The following MESD variants were observed in gnomAD, a reference collection of about 807,000 sequenced individuals.
The protein encoded by MESD is LRP chaperone MESD.
Under a neutral mutation model 12.9 loss-of-function variants are expected in MESD, and 7 were observed. The observed-to-expected ratio is 0.54, with a 90% confidence interval of 0.31 to 1.02. The LOEUF (loss-of-function observed/expected upper bound fraction) is 1.02. MESD is among the 50% of genes least tolerant of loss of function. The pLI is 0.05. For missense variants in MESD, 342 were observed against 296.7 expected, an observed-to-expected ratio of 1.15 and a Z score of -1.12; for synonymous variants, 126 against 115.6, an observed-to-expected ratio of 1.09 and a Z score of -0.58.
chr15:80,967,090 G>A (rs1223269215), intron 3 of MESD, among the ~76,000 whole-genome samples: 1 of 152,094 alleles, frequency 6.6e-6, no homozygotes, highest in Non-Finnish European at 1.5e-5. Flanking sequence ...TCAGGAGTTC[G>A]AGACCAGCCT....
chr15:80,970,201 C>T (rs1025499102), intron 3 of MESD, among the ~76,000 whole-genome samples: 1 of 152,168 alleles, frequency 6.6e-6, no homozygotes, highest in Non-Finnish European at 1.5e-5. Context: ...GTGGGGAAGC[C>T]GTGAGGCACA....
intron 3 of MESD, among the ~76,000 whole-genome samples, chr15:80,961,892 A>C (rs1396914091): frequency 6.6e-6 from 1 of 152,264 alleles, no homozygotes; most frequent in Non-Finnish European, 1.5e-5. Flanking sequence ...AAACATGCCA[A>C]ATTGTAAAGA....
intron 1 of MESD, among the ~76,000 whole-genome samples, chr15:80,985,480 A>G (rs1902704396): frequency 6.6e-6 from 1 of 152,150 alleles, no homozygotes; most frequent in South Asian, 2.1e-4. Flanking sequence ...TGCCAAATTC[A>G]CAAGTTGTTT....
At chr15:80,988,067 G>A (rs1364413689) in intron 1 of MESD, among the ~76,000 whole-genome samples, 23 of 152,156 alleles carry the variant, frequency 1.5e-4, no homozygotes, top group Admixed American at 1.0e-3. Flanking sequence ...CTTAATCCAC[G>A]TCTTCCTCAC....
At chr15:80,949,246 C>T in intron 4 of MESD, 1 of 407,798 alleles carries the variant, frequency 2.5e-6, no homozygotes. Flanking sequence ...CTGGGTTGTG[C>T]TGACAGCAAA....
At chr15:80,959,858 G>T (rs1420291571) in intron 3 of MESD, among the ~76,000 whole-genome samples, 1 of 150,866 alleles carries the variant, frequency 6.6e-6, no homozygotes, top group Non-Finnish European at 1.5e-5. Context: ...AACTCAACTG[G>T]AAGCAGGGGG....
chr15:80,982,815 C>T (rs1902616352), intron 1 of MESD, among the ~76,000 whole-genome samples: 1 of 152,152 alleles, frequency 6.6e-6, no homozygotes, highest in African/African-American at 2.4e-5. Context: ...GGCACTGTGG[C>T]TTACCTTGTA....
chr15:80,962,116 C>A (rs72629904), intron 3 of MESD, among the ~76,000 whole-genome samples: 1 of 152,138 alleles, frequency 6.6e-6, no homozygotes, highest in Admixed American at 6.5e-5. Context: ...CAGAGATGCA[C>A]ATAAGCTCAA....
At chr15:80,959,809 G>C (rs1902054233) in intron 3 of MESD, among the ~76,000 whole-genome samples, 1 of 152,088 alleles carries the variant, frequency 6.6e-6, no homozygotes, top group Non-Finnish European at 1.5e-5. Flanking sequence ...TCCTGGAAGT[G>C]CTCAAAAAGA....
chr15:80,989,360 G>T (rs984308926), intron 1 of MESD, among the ~76,000 whole-genome samples: 13 of 152,320 alleles, frequency 8.5e-5, no homozygotes, highest in African/African-American at 2.6e-4. Context: ...GAGGAACAGG[G>T]CACTGGAATG....
intron 3 of MESD, among the ~76,000 whole-genome samples, chr15:80,967,330 G>A (rs1363944601): frequency 6.6e-6 from 1 of 152,044 alleles, no homozygotes; most frequent in Non-Finnish European, 1.5e-5. Context: ...AAAGAAGTAG[G>A]AGCCCTCAGG....
intron 3 of MESD, among the ~76,000 whole-genome samples, chr15:80,959,401 G>A (rs1902046176): frequency 6.6e-6 from 1 of 152,186 alleles, no homozygotes. Context: ...GGAAATTAGT[G>A]CGGCCCTGGT....
intron 2 of MESD, among the ~76,000 whole-genome samples, chr15:80,981,571 C>T (rs1902579475): frequency 6.6e-6 from 1 of 151,684 alleles, no homozygotes; most frequent in African/African-American, 2.4e-5. Context: ...AGCCCCAGCA[C>T]AGGGCCAGGT....
chr15:80,980,931 C>G (rs1375173198), intron 2 of MESD, among the ~76,000 whole-genome samples: 1 of 151,468 alleles, frequency 6.6e-6, no homozygotes. Flanking sequence ...TCAAGCGATT[C>G]TCCTGCCTCA....
At position 80,979,317 on chromosome 15, in the gene MESD, TTTTA is replaced by T. The variant is rs1183361137; in HGVS notation, c.603_606del (p.Asn201LysfsTer15). 5.0e-6 allele frequency: 8 copies of T among 1,614,110 alleles called. No individual in the cohort carries two copies. Among genetic ancestry groups the T allele is most frequent in the Non-Finnish European group, 6.8e-6 (8 of 1,180,014 alleles). On this transcript the variant is annotated frameshift_variant, in exon 3 of 3. Coordinates refer to ENST00000261758, the MANE Select transcript of MESD (RefSeq NM_015154.3). LOFTEE classifies it low-confidence loss of function (END_TRUNC). ...TTTTTTTTGCCCTTGTCTTGCTTTGTTTTATTTTTCTCTTTGCTTCCTCCTCCTT... is the reference window on the plus strand; with the variant it reads ...TTTTTTTTGCCCTTGTCTTGCTTTGTTTTTTCTCTTTGCTTCCTCCTCCTT...
chr15:80,970,934 T>TG (rs949343814), downstream of MESD, among the ~76,000 whole-genome samples: 1 of 152,132 alleles, frequency 6.6e-6, no homozygotes, highest in Non-Finnish European at 1.5e-5. Flanking sequence ...AGATATCACC[T>TG]GGGGGCGGGG....
intron 3 of MESD, among the ~76,000 whole-genome samples, chr15:80,960,712 T>C (rs1902070100): frequency 6.6e-6 from 1 of 152,200 alleles, no homozygotes; most frequent in Non-Finnish European, 1.5e-5. Flanking sequence ...CTAAACAATA[T>C]TGACAGGAAA....
intron 1 of MESD, among the ~76,000 whole-genome samples, chr15:80,984,720 T>C (rs549675899): frequency 1.3e-5 from 2 of 152,298 alleles, no homozygotes; most frequent in African/African-American, 4.8e-5. Flanking sequence ...ATGTACACTT[T>C]ACATGGGTAA....
intron 1 of MESD, 72 bp downstream of exon 1, chr15:80,989,507 A>C (rs1399034466): frequency 3.4e-5 from 52 of 1,509,248 alleles, no homozygotes; most frequent in Non-Finnish European, 4.7e-5. Context: ...CCCAAGACAG[A>C]ACAGGTAAGG....
Sources: gnomAD v4.1 joint callset for allele counts (sites outside exome capture counted in the v4.1 genomes callset) on GRCh38, gnomAD v4.1.1 for gene constraint, MANE v1.5 for transcripts, NCBI Gene and HGNC (gene_info 2026-07-23, HGNC 2026-07-21) for gene names.